The following GPC5 variants were observed in gnomAD, a reference collection of about 807,000 sequenced individuals.
The protein encoded by GPC5 is glypican 5.
Under a neutral mutation model 53.9 loss-of-function variants are expected in GPC5, and 47 were observed. That is an observed-to-expected ratio of 0.87 (90% confidence interval 0.69 to 1.11). The LOEUF (loss-of-function observed/expected upper bound fraction) is 1.11. Among genes scored for constraint, GPC5 ranks in the 50% most tolerant of loss-of-function variants. The pLI, the probability that GPC5 is intolerant of heterozygous loss-of-function variation, is 0.00. For synonymous variants in GPC5, 286 were observed against 263.3 expected (o/e 1.09, Z -0.84); for missense variants, 748 against 713.1 (o/e 1.05, Z -0.56).
chr13:92,323,412 C>T (rs898379208), intron 7 of GPC5, among the ~76,000 whole-genome samples: 3 of 149,286 alleles, frequency 2.0e-5, no homozygotes, highest in African/African-American at 7.4e-5. Context: ...ATGTATTTTT[C>T]GTAAAATATG....
chr13:91,617,011 A>G (rs1484156201), intron 2 of GPC5, among the ~76,000 whole-genome samples: 1 of 152,160 alleles, frequency 6.6e-6, no homozygotes, highest in Non-Finnish European at 1.5e-5. Context: ...TTGTTAAAAA[A>G]ACAAGACAGT....
chr13:92,331,937 A>G (rs1005026667), intron 7 of GPC5, among the ~76,000 whole-genome samples: 2 of 152,172 alleles, frequency 1.3e-5, no homozygotes, highest in African/African-American at 4.8e-5. Flanking sequence ...GGAGCCCTGG[A>G]TAAAATTTCA....
intron 5 of GPC5, among the ~76,000 whole-genome samples, chr13:91,892,451 A>G (rs902995415): frequency 2.0e-5 from 3 of 151,642 alleles, no homozygotes; most frequent in Admixed American, 1.3e-4. Context: ...AATAAAGAAC[A>G]CTTTTATGCT....
intron 7 of GPC5, among the ~76,000 whole-genome samples, chr13:92,347,624 GC>G (rs1261132448): frequency 2.0e-5 from 3 of 150,636 alleles, no homozygotes; most frequent in Non-Finnish European, 4.4e-5. Context: ...GTAAAGCAGA[GC>G]CATATTCAGA....
At chr13:92,394,430 A>G (rs1222231292) in intron 7 of GPC5, among the ~76,000 whole-genome samples, 3 of 151,816 alleles carry the variant, frequency 2.0e-5, no homozygotes, top group South Asian at 4.1e-4. Flanking sequence ...GTGCCCTAAT[A>G]AAAAAAAGAC....
chr13:91,532,293 G>A (rs1331385938), intron 2 of GPC5, among the ~76,000 whole-genome samples: 1 of 152,180 alleles, frequency 6.6e-6, no homozygotes, highest in East Asian at 1.9e-4. Context: ...GGTGCTCCCA[G>A]ATCAGTCAGC....
intron 4 of GPC5, among the ~76,000 whole-genome samples, chr13:91,738,809 T>G (rs997564444): frequency 2.6e-5 from 4 of 151,336 alleles, no homozygotes; most frequent in African/African-American, 9.8e-5. Flanking sequence ...CTTCCCTTTT[T>G]TTATGCTATT....
chr13:92,753,249 G>T (rs1031547833), intron 7 of GPC5, among the ~76,000 whole-genome samples: 4 of 152,052 alleles, frequency 2.6e-5, no homozygotes, highest in Admixed American at 6.6e-5. Context: ...ACACGGCAGG[G>T]TACTCCAACA....
At chr13:92,740,197 C>A (rs1594468844) in intron 7 of GPC5, among the ~76,000 whole-genome samples, 3 of 152,120 alleles carry the variant, frequency 2.0e-5, no homozygotes, top group African/African-American at 7.2e-5. Context: ...TCTGAGCCCA[C>A]CCTCCCACTT....
intron 2 of GPC5, among the ~76,000 whole-genome samples, chr13:91,500,360 C>G (rs913043641): frequency 5.9e-5 from 9 of 152,160 alleles, no homozygotes; most frequent in African/African-American, 2.2e-4. Context: ...GAATCTTGGT[C>G]AGCCAATGTG....
intron 4 of GPC5, among the ~76,000 whole-genome samples, chr13:91,739,097 T>C (rs191165366): frequency 6.6e-6 from 1 of 151,738 alleles, no homozygotes; most frequent in East Asian, 1.9e-4. Flanking sequence ...TGTACATTGT[T>C]GCCAATTAAC....
Position 92,676,046 on chromosome 13 carries a change from TA to T in GPC5, c.1562-190234del, listed in dbSNP as rs545934044. ...TTCAATGGTTTATATTTTGGAATCCTAACCAGATATTTTTTGCCATGAATTT... is the reference window on the plus strand; with the variant it reads ...TTCAATGGTTTATATTTTGGAATCCTACCAGATATTTTTTGCCATGAATTT... On this transcript the variant is annotated intron_variant, in intron 7 of 7. Transcript: ENST00000377067. 1.2e-3 allele frequency among the ~76,000 whole-genome samples: 181 copies of T among 152,322 alleles called. 4 individuals are homozygous for T. Among genetic ancestry groups the T allele is most frequent in the African/African-American group, 4.3e-3 (179 of 41,578 alleles).
intron 7 of GPC5, among the ~76,000 whole-genome samples, chr13:92,662,086 C>A (rs1372716298): frequency 1.3e-5 from 2 of 152,160 alleles, no homozygotes; most frequent in African/African-American, 4.8e-5. Flanking sequence ...ATTTGCTTGT[C>A]CCTACTGACT....
At chr13:91,879,104 CTAT>C (rs972227552) in intron 5 of GPC5, among the ~76,000 whole-genome samples, 2 of 151,780 alleles carry the variant, frequency 1.3e-5, no homozygotes, top group African/African-American at 4.8e-5. Context: ...TGAAAAAAAA[CTAT>C]TATCATGTAC....
Position 91,776,661 on chromosome 13 carries a change from A to T in GPC5, c.1280+20241A>T, listed in dbSNP as rs548626675. On this transcript the variant is annotated intron_variant, in intron 5 of 7. Transcript: ENST00000377067. ...TAGAGCTCATATTATTTCCATTGTT[A>T]TGCTCTAGGGCCAGTCCCTAATAAA... Among the ~76,000 whole-genome samples the T allele has an allele frequency of 9.8e-5, 15 of 152,342 alleles. No homozygotes were observed. The South Asian group carries it at 3.1e-3, about 32-fold the overall frequency.
intron 6 of GPC5, among the ~76,000 whole-genome samples, chr13:91,911,922 G>A (rs1394771153): frequency 1.3e-5 from 2 of 152,150 alleles, no homozygotes. Flanking sequence ...TTAAAAATCA[G>A]TGGTTTTGTT....
intron 6 of GPC5, among the ~76,000 whole-genome samples, chr13:91,923,548 A>T (rs1028725559): frequency 6.6e-6 from 1 of 152,222 alleles, no homozygotes; most frequent in Admixed American, 6.5e-5. Context: ...AATGTGCATT[A>T]TAATAAACTT....
intron 7 of GPC5, among the ~76,000 whole-genome samples, chr13:92,302,238 C>A (rs9284270): frequency 0.42 from 63,045 of 151,058 alleles, 14,695 homozygotes; most frequent in African/African-American, 0.64. Context: ...ATTTTTTTTT[C>A]TCTATTATGT....
intron 6 of GPC5, among the ~76,000 whole-genome samples, chr13:92,089,308 G>A: frequency 6.6e-6 from 1 of 151,806 alleles, no homozygotes. Flanking sequence ...GTGGCGGGCG[G>A]CTGTAGTCCC....
Sources: allele counts gnomAD v4.1 joint callset (sites outside exome capture counted in the v4.1 genomes callset), GRCh38; gene constraint gnomAD v4.1.1; transcripts MANE v1.5; gene names NCBI Gene and HGNC (gene_info 2026-07-23, HGNC 2026-07-21).